TBXAS1: variants seen among roughly 807,000 people sequenced by gnomAD.
The protein encoded by TBXAS1 is thromboxane-A synthase.
In TBXAS1, 48 loss-of-function variants were observed where a neutral mutation model predicts 60.7. The observed-to-expected ratio is 0.79, with a 90% confidence interval of 0.63 to 1.01. The LOEUF (loss-of-function observed/expected upper bound fraction) is 1.01, where lower values mean the gene tolerates loss of function less well. Ranked by LOEUF, TBXAS1 falls within the 50% of genes least tolerant of loss-of-function variation. The pLI, the probability that TBXAS1 is intolerant of heterozygous loss-of-function variation, is 0.00. For missense variants in TBXAS1, 685 were observed against 686.3 expected, an observed-to-expected ratio of 1.00 and a Z score of 0.02; for synonymous variants, 287 against 269.7, an observed-to-expected ratio of 1.06 and a Z score of -0.63.
chr7:139,993,293 G>C (rs1444603749), intron 9 of TBXAS1, among the ~76,000 whole-genome samples: 1 of 152,100 alleles, frequency 6.6e-6, no homozygotes. Context: ...GATCATGTTG[G>C]GGAATAGGGT....
chr7:139,968,119 G>A (rs17161313), intron 9 of TBXAS1, among the ~76,000 whole-genome samples: 3,137 of 152,206 alleles, frequency 0.021, 84 homozygotes, highest in African/African-American at 0.067. Flanking sequence ...AACCCCTGGC[G>A]CATATAAAGA....
At chr7:139,788,749 A>G (rs1797280465) in intron 4 of TBXAS1, among the ~76,000 whole-genome samples, 1 of 152,248 alleles carries the variant, frequency 6.6e-6, no homozygotes, top group South Asian at 2.1e-4. Context: ...CACATGGCAC[A>G]TGGAATGGCC....
chr7:139,984,722 AAAAG>A (rs1208735667), intron 9 of TBXAS1, among the ~76,000 whole-genome samples: 210 of 149,204 alleles, frequency 1.4e-3, no homozygotes, highest in Middle Eastern at 3.4e-3. Context: ...GGAAGGAAGG[AAAAG>A]AAAGAAAGAA....
At chr7:139,851,065 C>A (rs1028905944) in intron 1 of TBXAS1, among the ~76,000 whole-genome samples, 6 of 152,222 alleles carry the variant, frequency 3.9e-5, no homozygotes, top group African/African-American at 1.4e-4. Context: ...TGAGCCAAAG[C>A]ATCCCATTGG....
chr7:139,800,850 G>C (rs1797705260), intron 4 of TBXAS1, among the ~76,000 whole-genome samples: 1 of 152,000 alleles, frequency 6.6e-6, no homozygotes, highest in Non-Finnish European at 1.5e-5. Context: ...GTTATCAATT[G>C]CTTACTTGTT....
At chr7:139,961,441 A>T (rs1160330221) in intron 8 of TBXAS1, among the ~76,000 whole-genome samples, 1 of 152,218 alleles carries the variant, frequency 6.6e-6, no homozygotes, top group Non-Finnish European at 1.5e-5. Context: ...GTAAAAAATA[A>T]AAGCCCCCCT....
chr7:139,926,934 G>T (rs1021054047), intron 4 of TBXAS1, among the ~76,000 whole-genome samples: 1 of 151,840 alleles, frequency 6.6e-6, no homozygotes, highest in Non-Finnish European at 1.5e-5. Flanking sequence ...ATTGGAAATT[G>T]TATAGTTTCC....
intron 9 of TBXAS1, among the ~76,000 whole-genome samples, chr7:139,980,027 C>T (rs897383313): frequency 2.0e-5 from 3 of 151,706 alleles, no homozygotes; most frequent in East Asian, 3.9e-4. Flanking sequence ...TATGTCAAAC[C>T]TGTCATTTAT....
chr7:140,019,008 A>C (rs964565081), intron 12 of TBXAS1, among the ~76,000 whole-genome samples: 2 of 152,264 alleles, frequency 1.3e-5, no homozygotes, highest in African/African-American at 4.8e-5. Flanking sequence ...TGTCCCCTGC[A>C]CCTATCCTCA....
chr7:139,959,860 G>T (rs1342833882), intron 8 of TBXAS1, among the ~76,000 whole-genome samples: 1 of 152,134 alleles, frequency 6.6e-6, no homozygotes, highest in Non-Finnish European at 1.5e-5. Context: ...GTGTCCCAGA[G>T]CTGAGGGAGC....
At chr7:139,964,868 G>T (rs1274164202) in intron 9 of TBXAS1, among the ~76,000 whole-genome samples, 1 of 152,230 alleles carries the variant, frequency 6.6e-6, no homozygotes, top group East Asian at 1.9e-4. Flanking sequence ...TGTCCCACCA[G>T]CTATAACCAT....
intron 4 of TBXAS1, among the ~76,000 whole-genome samples, chr7:139,808,728 C>T (rs114245536): frequency 2.4e-4 from 37 of 152,256 alleles, no homozygotes; most frequent in African/African-American, 8.7e-4. Context: ...GCTCTCCCCA[C>T]ATTGCAATGA....
intron 5 of TBXAS1, among the ~76,000 whole-genome samples, chr7:139,951,883 G>A (rs1366299263): frequency 2.4e-4 from 8 of 33,966 alleles, no homozygotes; most frequent in African/African-American, 1.2e-3. Flanking sequence ...AGGAAGGAAA[G>A]AAGGAAGGAA....
chr7:139,991,537 G>A (rs914973204), intron 9 of TBXAS1, among the ~76,000 whole-genome samples: 1 of 152,222 alleles, frequency 6.6e-6, no homozygotes, highest in African/African-American at 2.4e-5. Flanking sequence ...TGAACATCAA[G>A]GGAGGCACGC....
intron 1 of TBXAS1, among the ~76,000 whole-genome samples, chr7:139,835,853 C>T (rs1252210336): frequency 6.6e-6 from 1 of 152,024 alleles, no homozygotes; most frequent in Non-Finnish European, 1.5e-5. Context: ...TGTTTGCTGA[C>T]AATACAATCG....
At chr7:139,778,321 C>G (rs1796845415), upstream of TBXAS1, 1 of 152,884 alleles carries the variant, frequency 6.5e-6, no homozygotes, top group Admixed American at 6.5e-5. The surrounding 1 kb of genome is among the most constrained non-coding windows in gnomAD (Gnocchi z 4.8). Flanking sequence ...GAGGGGCCCC[C>G]AGAACTTTGT....
chr7:139,828,301 T>C (rs898732380), upstream of TBXAS1, among the ~76,000 whole-genome samples: 2 of 152,244 alleles, frequency 1.3e-5, no homozygotes, highest in African/African-American at 4.8e-5. Flanking sequence ...ATTTCACATT[T>C]CTAAAAGTGT....
At chr7:139,794,417 A>G (rs371001235) in intron 4 of TBXAS1, among the ~76,000 whole-genome samples, 2 of 152,138 alleles carry the variant, frequency 1.3e-5, no homozygotes, top group Non-Finnish European at 2.9e-5. Context: ...TCTATATGGG[A>G]TGAACAAGAC....
At chr7:139,913,265 G>A (rs1009809337) in intron 4 of TBXAS1, 8 of 643,624 alleles carry the variant, frequency 1.2e-5, no homozygotes, top group African/African-American at 5.4e-5. Flanking sequence ...CCTGGAAGCC[G>A]TCTGTCAAGA....
Sources: allele counts gnomAD v4.1 joint callset (sites outside exome capture counted in the v4.1 genomes callset), GRCh38; gene constraint gnomAD v4.1.1; non-coding constraint Gnocchi (gnomAD v3.1); transcripts MANE v1.5; gene names NCBI Gene and HGNC (gene_info 2026-07-23, HGNC 2026-07-21).